VAV2: variants seen among roughly 807,000 people sequenced by gnomAD.
VAV2 encodes the protein vav guanine nucleotide exchange factor 2, also known as guanine nucleotide exchange factor VAV2.
Under a neutral mutation model 132.5 loss-of-function variants are expected in VAV2, and 67 were observed. That is an observed-to-expected ratio of 0.51 (90% CI 0.42 to 0.62). The LOEUF (loss-of-function observed/expected upper bound fraction) is 0.62, where lower values mean the gene tolerates loss of function less well. Ranked by LOEUF, VAV2 falls within the 20% of genes least tolerant of loss-of-function variation. The pLI, the probability that VAV2 is intolerant of heterozygous loss-of-function variation, is 0.00. For missense variants in VAV2, 938 were observed against 1,153.6 expected (o/e 0.81, Z 2.71); for synonymous variants, 492 against 443.5 (o/e 1.11, Z -1.37).
At chr9:133,849,369 G>A (rs1837079100) in intron 3 of VAV2, among the ~76,000 whole-genome samples, 4 of 152,170 alleles carry the variant, frequency 2.6e-5, no homozygotes, top group Admixed American at 2.6e-4. Context: ...TGGATGCCAG[G>A]GCTACGTTAA....
At chr9:133,783,642 T>G (rs1293672918) in intron 18 of VAV2, 51 bp from the exon 19 acceptor site, 1 of 1,565,198 alleles carries the variant, frequency 6.4e-7, no homozygotes. Context: ...CGGCTCCTCA[T>G]GCCTCTCTGC....
chr9:133,977,293 T>C (rs1447071722), intron 1 of VAV2, among the ~76,000 whole-genome samples: 1 of 152,206 alleles, frequency 6.6e-6, no homozygotes, highest in Non-Finnish European at 1.5e-5. Context: ...AAGGGGGTCT[T>C]GGCTTTCACC....
At chr9:133,764,217 G>C (rs1336797630) in intron 29 of VAV2, 108 bp from the exon 30 acceptor site, 1 of 1,426,308 alleles carries the variant, frequency 7.0e-7, no homozygotes, top group Non-Finnish European at 9.7e-7. Flanking sequence ...AAGATGGGGG[G>C]CCCTTCGGAA....
At chr9:133,848,187 G>A (rs756094292) in intron 3 of VAV2, among the ~76,000 whole-genome samples, 4 of 150,742 alleles carry the variant, frequency 2.7e-5, no homozygotes, top group Non-Finnish European at 5.9e-5. Flanking sequence ...GGCTGAGGCA[G>A]GAGAATGGCG....
At chr9:133,808,201 G>A (rs895447233) in intron 7 of VAV2, among the ~76,000 whole-genome samples, 1 of 152,224 alleles carries the variant, frequency 6.6e-6, no homozygotes, top group Admixed American at 6.5e-5. Flanking sequence ...GCAGGGCTTC[G>A]AGGGAACTGG....
intron 2 of VAV2, among the ~76,000 whole-genome samples, chr9:133,888,275 C>T (rs189078846): frequency 3.9e-4 from 59 of 152,344 alleles, no homozygotes; most frequent in African/African-American, 1.3e-3. Context: ...GGGAGACGGA[C>T]GGTGGTGACG....
At chr9:133,986,834 C>T (rs965985715) in intron 1 of VAV2, among the ~76,000 whole-genome samples, 1 of 152,026 alleles carries the variant, frequency 6.6e-6, no homozygotes, top group African/African-American at 2.4e-5. Context: ...AGGGGCCCTT[C>T]GGGCACTTCC....
At chr9:133,870,491 C>T (rs1233088312) in intron 2 of VAV2, among the ~76,000 whole-genome samples, 1 of 152,208 alleles carries the variant, frequency 6.6e-6, no homozygotes, top group Non-Finnish European at 1.5e-5. Flanking sequence ...TTGGCCCACT[C>T]TTCCTGGAGC....
chr9:133,770,255 G>T, intron 27 of VAV2, 123 bp downstream of exon 27: 1 of 1,458,522 alleles, frequency 6.9e-7, no homozygotes, highest in Non-Finnish European at 9.2e-7. Flanking sequence ...AGGGGCGGGG[G>T]CTGTGTTCCC....
rs994669821 is a variant in VAV2, at chr9:133,893,854, C to A, written c.322-32422G>T. Reference sequence around the variant, plus strand: ...CCGCACCTGACCCACACAGCAGCGGCGAGAGTCGGGCGCCCACGTGTACCA... The same window carrying A: ...CCGCACCTGACCCACACAGCAGCGGAGAGAGTCGGGCGCCCACGTGTACCA... On this transcript the variant is annotated intron_variant, in intron 2 of 29. Coordinates refer to ENST00000371850, the MANE Select transcript of VAV2 (RefSeq NM_001134398.2). Among the ~76,000 whole-genome samples, 7 of 142,844 alleles carry A rather than the reference C, an allele frequency of 4.9e-5. No homozygotes were observed. In the East Asian group the frequency reaches 1.4e-3, roughly 28 times the overall value. 93.7% of individuals were successfully genotyped at this position (142,844 alleles called of 152,430 possible). A position where few individuals can be genotyped will look rare whatever the true frequency, so the allele number is the denominator to read the frequency against.
chr9:133,964,570 C>T (rs192101122), intron 1 of VAV2, among the ~76,000 whole-genome samples: 3 of 152,174 alleles, frequency 2.0e-5, no homozygotes, highest in African/African-American at 7.2e-5. Context: ...CAAAAATCAT[C>T]CACAAAATCC....
At position 133,863,022 on chromosome 9, in the gene VAV2, C is replaced by T. The variant is rs1837659392; in HGVS notation, c.322-1590G>A. On this transcript the variant is annotated intron_variant, in intron 2 of 29. Coordinates refer to ENST00000371850, the MANE Select transcript of VAV2 (RefSeq NM_001134398.2). This position sits in a 1 kb window ranked among gnomAD's most constrained non-coding sequence, Gnocchi z 5.0. ...TCCTTCTGTGCTTCCTCACACAAGA[C>T]TCGATGGGCCCATTATGCGGCCAGC... Among the ~76,000 whole-genome samples the T allele has an allele frequency of 1.3e-5, 2 of 152,190 alleles. No homozygotes were observed. Among genetic ancestry groups the T allele is most frequent in the African/African-American group, 4.8e-5 (2 of 41,442 alleles).
At chr9:133,968,925 G>C (rs929387707) in intron 1 of VAV2, among the ~76,000 whole-genome samples, 2 of 152,176 alleles carry the variant, frequency 1.3e-5, no homozygotes, top group African/African-American at 4.8e-5. Context: ...CCCGATTAAA[G>C]CTTTAACAGA....
intron 15 of VAV2, 121 bp from the exon 16 acceptor site, chr9:133,787,381 G>T: frequency 8.5e-7 from 1 of 1,174,034 alleles, no homozygotes; most frequent in Non-Finnish European, 1.1e-6. Flanking sequence ...ACCCCCCAGT[G>T]CCCAGGCTGG....
intron 3 of VAV2, among the ~76,000 whole-genome samples, chr9:133,839,949 TC>T (rs1346290858): frequency 6.6e-6 from 1 of 152,152 alleles, no homozygotes; most frequent in Non-Finnish European, 1.5e-5. Flanking sequence ...GGGTGGAGAC[TC>T]TGGTCATTTT....
intron 2 of VAV2, among the ~76,000 whole-genome samples, chr9:133,938,892 G>A (rs919937156): frequency 2.6e-5 from 4 of 152,148 alleles, no homozygotes; most frequent in Non-Finnish European, 4.4e-5. Flanking sequence ...GGGCCATCCC[G>A]TTGTCCCAGC....
At chr9:133,990,270 A>G (rs554022484) in intron 1 of VAV2, among the ~76,000 whole-genome samples, 15 of 152,168 alleles carry the variant, frequency 9.9e-5, no homozygotes, top group African/African-American at 3.1e-4. Flanking sequence ...CGGGACCCCT[A>G]GACACCCGTC....
chr9:133,990,459 G>A (rs1289421163), intron 1 of VAV2, among the ~76,000 whole-genome samples: 1 of 152,146 alleles, frequency 6.6e-6, no homozygotes, highest in African/African-American at 2.4e-5. Flanking sequence ...CAGCTGGGGA[G>A]GGGCAGCCCC....
chr9:133,953,039 G>C (rs2319066), intron 1 of VAV2, among the ~76,000 whole-genome samples: 3 of 143,484 alleles, frequency 2.1e-5, no homozygotes, highest in Non-Finnish European at 1.5e-5. Flanking sequence ...CATGGCCCCC[G>C]GGACACCTAG....
Sources: gnomAD v4.1 joint callset for allele counts (sites outside exome capture counted in the v4.1 genomes callset) on GRCh38, gnomAD v4.1.1 for gene constraint, Gnocchi (gnomAD v3.1) non-coding constraint, MANE v1.5 for transcripts, NCBI Gene and HGNC (gene_info 2026-07-23, HGNC 2026-07-21) for gene names.